The following KIAA1549L variants were observed in gnomAD, a reference collection of about 807,000 sequenced individuals.
KIAA1549L encodes the protein UPF0606 protein KIAA1549L.
KIAA1549L carries 88 observed loss-of-function variants against 160.7 expected under a neutral mutation model. The observed-to-expected ratio is 0.55, with a 90% CI of 0.46 to 0.65. The LOEUF (loss-of-function observed/expected upper bound fraction) is 0.65. Ranked by LOEUF, KIAA1549L falls within the 30% of genes least tolerant of loss-of-function variation. KIAA1549L has a pLI of 0.00. For synonymous variants in KIAA1549L, 950 were observed against 976.7 expected, an observed-to-expected ratio of 0.97 and a Z score of 0.51; for missense variants, 2,258 against 2,437.5, an observed-to-expected ratio of 0.93 and a Z score of 1.55.
chr11:33,490,558 C>T (rs1470843351), intron 1 of KIAA1549L, among the ~76,000 whole-genome samples: 1 of 152,136 alleles, frequency 6.6e-6, no homozygotes, highest in Non-Finnish European at 1.5e-5. Context: ...CTCCTGAGCT[C>T]AAGCAGTCTG....
chr11:33,543,752 G>A lies in KIAA1549L; in HGVS notation c.2189G>A (p.Ser730Asn). ...TATGATTTAAATGGACACACAATTA[G>A]CACCACAAGTTGGGAAACTCATTTA... ...TNYDLNGHTI[S>N]TTSWETHLAP... is the part of the protein sequence containing the mutation. The change falls in exon 2 of 21, where the codon AGC becomes AAC. Residue 730 changes from serine (S) to asparagine (N), a missense_variant. Transcript: ENST00000658780. The A allele has an allele frequency of 6.2e-7, 1 of 1,614,040 alleles. No individual in the cohort carries two copies. The highest frequency in any genetic ancestry group is 8.5e-7 in the Non-Finnish European group (1 of 1,179,888).
intron 1 of KIAA1549L, among the ~76,000 whole-genome samples, chr11:33,473,449 C>T (rs1366738808): frequency 1.3e-5 from 2 of 152,078 alleles, no homozygotes; most frequent in Non-Finnish European, 2.9e-5. Context: ...GTTGTCAGGA[C>T]ATTGAAAGGA....
intron 1 of KIAA1549L, among the ~76,000 whole-genome samples, chr11:33,475,499 G>A (rs1391881268): frequency 1.3e-5 from 2 of 150,902 alleles, no homozygotes; most frequent in African/African-American, 4.9e-5. Flanking sequence ...CGAGGTTATA[G>A]TAAGCTATAA....
intron 1 of KIAA1549L, among the ~76,000 whole-genome samples, chr11:33,388,069 C>T (rs181478251): frequency 6.6e-6 from 1 of 152,198 alleles, no homozygotes; most frequent in Admixed American, 6.5e-5. Flanking sequence ...CAGGTAGATG[C>T]AGTAAAATGC....
chr11:33,636,266 A>G (rs1399593541), intron 16 of KIAA1549L, among the ~76,000 whole-genome samples: 1 of 152,148 alleles, frequency 6.6e-6, no homozygotes, highest in Non-Finnish European at 1.5e-5. Context: ...GCTTCCTTTA[A>G]TAGGTGAAAG....
At chr11:33,509,653 T>C (rs1242653667) in intron 1 of KIAA1549L, among the ~76,000 whole-genome samples, 1 of 152,230 alleles carries the variant, frequency 6.6e-6, no homozygotes, top group African/African-American at 2.4e-5. Flanking sequence ...GGTTTATGAT[T>C]TAGAGCCTTA....
intron 14 of KIAA1549L, among the ~76,000 whole-genome samples, chr11:33,607,606 C>G (rs567730454): frequency 8.5e-5 from 13 of 152,318 alleles, no homozygotes; most frequent in African/African-American, 3.1e-4. Context: ...TAATTTTTCT[C>G]TGTTCTTAAG....
chr11:33,496,656 TCAA>T (rs1249820562), intron 1 of KIAA1549L, among the ~76,000 whole-genome samples: 1 of 152,112 alleles, frequency 6.6e-6, no homozygotes, highest in East Asian at 1.9e-4. Context: ...ACTCTTGACT[TCAA>T]CAACAACCCG....
chr11:33,600,289 A>G lies in KIAA1549L; in HGVS notation c.4879+1342A>G, dbSNP rs376437377. 2.6e-5 allele frequency among the ~76,000 whole-genome samples: 4 copies of G among 152,206 alleles called. No homozygotes were observed. The South Asian group carries it at 6.2e-4, about 24-fold the overall frequency. ...ACCTGGGACCACTAGAAATCCTGCC[A>G]TCAGCTCTATCGAGTGAGCACACGG... On this transcript the variant is annotated intron_variant, in intron 13 of 20. Transcript: ENST00000658780.
chr11:33,491,334 G>A (rs991118274), intron 1 of KIAA1549L, among the ~76,000 whole-genome samples: 3 of 152,170 alleles, frequency 2.0e-5, no homozygotes, highest in Non-Finnish European at 4.4e-5. Flanking sequence ...GGTTCACATG[G>A]CACTACAGTA....
intron 1 of KIAA1549L, among the ~76,000 whole-genome samples, chr11:33,522,355 G>A (rs1005153904): frequency 2.0e-5 from 3 of 152,078 alleles, no homozygotes; most frequent in Non-Finnish European, 4.4e-5. Flanking sequence ...ATCAGTCATC[G>A]AATATGGAAT....
intron 1 of KIAA1549L, among the ~76,000 whole-genome samples, chr11:33,457,170 G>A (rs1001566088): frequency 6.6e-6 from 1 of 152,150 alleles, no homozygotes; most frequent in African/African-American, 2.4e-5. Context: ...TCCAGAAGAG[G>A]GGTTTGGGGG....
chr11:33,461,248 G>A (rs190144210), intron 1 of KIAA1549L, among the ~76,000 whole-genome samples: 234 of 152,086 alleles, frequency 1.5e-3, no homozygotes, highest in Non-Finnish European at 1.0e-3. Flanking sequence ...ATAGGCTGGC[G>A]TAATGGTATC....
chr11:33,398,039 A>C (rs1158289759), intron 1 of KIAA1549L, among the ~76,000 whole-genome samples: 1 of 149,452 alleles, frequency 6.7e-6, no homozygotes, highest in Non-Finnish European at 1.5e-5. Flanking sequence ...CTCCTGCCTC[A>C]GCCTCCCGTG....
intron 13 of KIAA1549L, among the ~76,000 whole-genome samples, chr11:33,603,813 AAAAG>A (rs967179113): frequency 6.6e-5 from 10 of 151,862 alleles, no homozygotes; most frequent in African/African-American, 1.2e-4. Flanking sequence ...CCAAAAAAAA[AAAAG>A]AAAGAAAAAA....
intron 1 of KIAA1549L, among the ~76,000 whole-genome samples, chr11:33,506,856 A>T (rs1008603053): frequency 2.6e-5 from 4 of 152,318 alleles, no homozygotes; most frequent in African/African-American, 9.6e-5. Flanking sequence ...GTATTAAAAA[A>T]CAGATTCAAT....
At chr11:33,630,216 G>T (rs1435952469) in intron 16 of KIAA1549L, among the ~76,000 whole-genome samples, 3 of 152,222 alleles carry the variant, frequency 2.0e-5, no homozygotes, top group African/African-American at 7.2e-5. Context: ...GTCTGCAGAG[G>T]TTACTGCTGT....
intron 1 of KIAA1549L, among the ~76,000 whole-genome samples, chr11:33,403,816 T>C (rs938671774): frequency 6.6e-6 from 1 of 152,180 alleles, no homozygotes; most frequent in Admixed American, 6.5e-5. Flanking sequence ...GTTCATACTT[T>C]GAAAAAACAC....
At chr11:33,609,058 A>G (rs552525398) in intron 14 of KIAA1549L, among the ~76,000 whole-genome samples, 1 of 152,384 alleles carries the variant, frequency 6.6e-6, no homozygotes, top group South Asian at 2.1e-4. Context: ...TCACCTGCTT[A>G]TATCTCCAAC....
Sources: gnomAD v4.1 joint callset for allele counts (sites outside exome capture counted in the v4.1 genomes callset) on GRCh38, gnomAD v4.1.1 for gene constraint, MANE v1.5 for transcripts, NCBI Gene and HGNC (gene_info 2026-07-23, HGNC 2026-07-21) for gene names.